CFAP20DC: variants seen among roughly 807,000 people sequenced by gnomAD.
CFAP20DC encodes CFAP20 domain containing, also known as protein CFAP20DC.
CFAP20DC carries 84 observed loss-of-function variants against 101.7 expected under a neutral mutation model. The ratio of observed to expected loss-of-function variants is 0.83; its 90% CI spans 0.69 to 0.99. CFAP20DC has a LOEUF of 0.99. CFAP20DC is among the 50% of genes least tolerant of loss of function. CFAP20DC has a pLI of 0.00. For missense variants in CFAP20DC, 1,007 were observed against 970.3 expected (o/e 1.04, Z -0.50); for synonymous variants, 359 against 351.2 (o/e 1.02, Z -0.25).
rs1437666578 is a variant in CFAP20DC, at chr3:59,015,970, G to A, written c.278+23587C>T. On this transcript the variant is annotated intron_variant, in intron 4 of 16. Transcript: ENST00000482387. This position sits in a 1 kb window ranked among gnomAD's most constrained non-coding sequence, Gnocchi z 5.4. ...ATGGATGCCCAGGCTGGGACAAAATGCTGGGAAGAAGCCAGATCCTGGGTT... is the reference window on the plus strand; with the variant it reads ...ATGGATGCCCAGGCTGGGACAAAATACTGGGAAGAAGCCAGATCCTGGGTT... Among the ~76,000 whole-genome samples, 1 of 152,126 alleles carries A rather than the reference G, an allele frequency of 6.6e-6. No homozygotes were observed. Among genetic ancestry groups the A allele is most frequent in the Non-Finnish European group, 1.5e-5 (1 of 68,018 alleles).
intron 7 of CFAP20DC, among the ~76,000 whole-genome samples, chr3:58,877,834 TATG>T (rs1169593554): frequency 2.0e-5 from 3 of 152,178 alleles, no homozygotes; most frequent in African/African-American, 7.2e-5. Flanking sequence ...ACTGCACGAA[TATG>T]ATAATTAAGT....
At chr3:58,731,065 C>T (rs888678793) in intron 3 of CFAP20DC, among the ~76,000 whole-genome samples, 1 of 152,040 alleles carries the variant, frequency 6.6e-6, no homozygotes, top group African/African-American at 2.4e-5. Flanking sequence ...TATCCTGTTC[C>T]GTAGATGAAA....
chr3:58,851,932 T>G (rs541103224), intron 12 of CFAP20DC, among the ~76,000 whole-genome samples: 1 of 152,296 alleles, frequency 6.6e-6, no homozygotes, highest in East Asian at 1.9e-4. Flanking sequence ...GGGAAGCTTT[T>G]GTGGGTGTTT....
chr3:58,950,120 A>C (rs1027387988), intron 4 of CFAP20DC, among the ~76,000 whole-genome samples: 3 of 152,192 alleles, frequency 2.0e-5, no homozygotes, highest in African/African-American at 7.2e-5. Context: ...ATTCTTATAC[A>C]CCAATAACAG....
At chr3:58,843,238 C>G (rs551120473) in intron 13 of CFAP20DC, among the ~76,000 whole-genome samples, 41 of 152,000 alleles carry the variant, frequency 2.7e-4, no homozygotes, top group African/African-American at 8.9e-4. Flanking sequence ...ACATTCAAAC[C>G]AAAGGCAAAG....
rs772597207 is a variant in CFAP20DC, at chr3:58,863,943, T to C, written c.1259-51A>G. 6 of 1,450,848 alleles carry C rather than the reference T, an allele frequency of 4.1e-6. No homozygotes were observed. Among genetic ancestry groups the C allele is most frequent in the Non-Finnish European group, 4.6e-6 (5 of 1,092,634 alleles). 89.9% of individuals were successfully genotyped at this position (1,450,848 alleles called of 1,614,324 possible). ...ATTAGAGCAGTAATCCATAAAAGTG[T>C]TATTTTTATTTATTTATTTTTAGTT... is the stretch of plus-strand genomic sequence containing the variant. On this transcript the variant is annotated intron_variant, in intron 11 of 16. Transcript: ENST00000482387. The surrounding 1 kb of genome is among the most constrained non-coding windows in gnomAD (Gnocchi z 5.9).
In CFAP20DC at chr3:58,894,649, T is replaced by G. The variant is rs1026783387; in HGVS notation, c.551-9940A>C. On this transcript the variant is annotated intron_variant, in intron 6 of 16. Transcript: ENST00000482387. The surrounding 1 kb of genome is among the most constrained non-coding windows in gnomAD (Gnocchi z 4.1). ...GCACACAGTGCAAGCTGTCAGTGGA[T>G]CTACCATTCCGGGGTTTGGAGGATG... Among the ~76,000 whole-genome samples the G allele has an allele frequency of 6.6e-6, 1 of 152,160 alleles. No individual in the cohort carries two copies. Among genetic ancestry groups the G allele is most frequent in the Non-Finnish European group, 1.5e-5 (1 of 68,010 alleles).
At chr3:58,748,454 G>C (rs908512729) in intron 16 of CFAP20DC, among the ~76,000 whole-genome samples, 1 of 152,020 alleles carries the variant, frequency 6.6e-6, no homozygotes, top group Non-Finnish European at 1.5e-5. Flanking sequence ...ACTTCTAGTG[G>C]CCCTGAAAAG....
At chr3:58,996,009 T>TCTATCTAC (rs1479326861) in intron 4 of CFAP20DC, among the ~76,000 whole-genome samples, 1 of 151,774 alleles carries the variant, frequency 6.6e-6, no homozygotes, top group African/African-American at 2.4e-5. Context: ...TATCTATCTA[T>TCTATCTAC]CTATCTATCT....
At chr3:58,933,685 T>C (rs1466268123) in intron 5 of CFAP20DC, among the ~76,000 whole-genome samples, 4 of 151,076 alleles carry the variant, frequency 2.6e-5, no homozygotes, top group Non-Finnish European at 4.4e-5. Context: ...GGGTACATAA[T>C]GAAATGAAGG....
intron 14 of CFAP20DC, among the ~76,000 whole-genome samples, chr3:58,819,852 T>C (rs1402655865): frequency 5.5e-4 from 82 of 149,166 alleles, no homozygotes; most frequent in Admixed American, 1.5e-3. Context: ...AAGAGAATTT[T>C]AGACCAATAT....
At chr3:58,801,621 G>C (rs1192701972) in intron 15 of CFAP20DC, among the ~76,000 whole-genome samples, 1 of 151,180 alleles carries the variant, frequency 6.6e-6, no homozygotes, top group African/African-American at 2.4e-5. Flanking sequence ...GACAACTGGA[G>C]AGGAAAAAAA....
intron 10 of CFAP20DC, among the ~76,000 whole-genome samples, 194 bp downstream of exon 10, chr3:58,867,623 A>C (rs1257230051): frequency 1.3e-5 from 2 of 152,194 alleles, no homozygotes; most frequent in Non-Finnish European, 2.9e-5. Context: ...CTGTCTATTT[A>C]ATCCAGCAAA....
chr3:59,000,315 T>C (rs908849081), intron 4 of CFAP20DC, among the ~76,000 whole-genome samples: 3 of 152,306 alleles, frequency 2.0e-5, no homozygotes, highest in African/African-American at 4.8e-5. Flanking sequence ...GGAGTGGGTA[T>C]GGATAAAGCT....
At chr3:58,806,237 A>G (rs746298888) in intron 15 of CFAP20DC, among the ~76,000 whole-genome samples, 158 bp downstream of exon 15, 3 of 152,248 alleles carry the variant, frequency 2.0e-5, no homozygotes, top group Non-Finnish European at 2.9e-5. Context: ...CCACTATTCT[A>G]AAGTCCAAAG....
At chr3:59,037,512 C>G in intron 4 of CFAP20DC, among the ~76,000 whole-genome samples, 1 of 151,604 alleles carries the variant, frequency 6.6e-6, no homozygotes, top group East Asian at 1.9e-4. Flanking sequence ...TTTATGTGGG[C>G]AACAAATATG....
chr3:58,837,435 G>A (rs1481603432), intron 13 of CFAP20DC, among the ~76,000 whole-genome samples: 1 of 152,184 alleles, frequency 6.6e-6, no homozygotes, highest in Non-Finnish European at 1.5e-5. Context: ...AACCAAATGT[G>A]GGGATAATTA....
intron 14 of CFAP20DC, among the ~76,000 whole-genome samples, chr3:58,810,908 T>A (rs372143388): frequency 6.6e-6 from 1 of 151,634 alleles, no homozygotes; most frequent in Non-Finnish European, 1.5e-5. Flanking sequence ...TATACACCAA[T>A]AACAGGCAAA....
chr3:58,800,342 G>C (rs1331526413), intron 15 of CFAP20DC, among the ~76,000 whole-genome samples: 2 of 152,168 alleles, frequency 1.3e-5, no homozygotes, highest in African/African-American at 4.8e-5. Context: ...GCTGGATTTG[G>C]CATATACTAT....
Sources: allele counts gnomAD v4.1 joint callset (sites outside exome capture counted in the v4.1 genomes callset), GRCh38; gene constraint gnomAD v4.1.1; non-coding constraint Gnocchi (gnomAD v3.1); transcripts MANE v1.5; gene names NCBI Gene and HGNC (gene_info 2026-07-23, HGNC 2026-07-21).